RTEL1: variants seen among roughly 807,000 people sequenced by gnomAD.
RTEL1 encodes regulator of telomere elongation helicase 1.
A neutral mutation model predicts 162.2 loss-of-function variants in RTEL1; 86 were observed. The observed-to-expected ratio is 0.53, with a 90% CI of 0.45 to 0.63. RTEL1 has a LOEUF of 0.63. Among genes scored for constraint, RTEL1 ranks in the 30% least tolerant of loss-of-function variants. RTEL1 has a pLI of 0.00. For missense variants in RTEL1, 1,941 were observed against 1,750.2 expected (o/e 1.11, Z -1.95); for synonymous variants, 958 against 717.9 (o/e 1.33, Z -5.35).
intron 7 of RTEL1, among the ~76,000 whole-genome samples, chr20:63,666,875 T>C (rs1425327435): frequency 7.1e-6 from 1 of 140,520 alleles, no homozygotes; most frequent in African/African-American, 2.7e-5. Flanking sequence ...AGTCTCGCTC[T>C]GTCGCCCAGG....
intron 2 of RTEL1, chr20:63,660,891 T>C (rs2090006541): frequency 4.7e-6 from 1 of 211,522 alleles, no homozygotes; most frequent in African/African-American, 2.4e-5. Flanking sequence ...GCTCACACCC[T>C]TCCCCTCCCC....
In RTEL1 at chr20:63,661,971, C is replaced by T. The variant is rs752581883; in HGVS notation, c.395+28C>T. The T allele has an allele frequency of 2.6e-6, 4 of 1,556,592 alleles. No homozygotes were observed. The highest frequency in any genetic ancestry group is 3.5e-6 in the Non-Finnish European group (4 of 1,127,696). ...GGGTCAGACGAGTTTACACCTGTCT[C>T]GGGGTCCTCAAGAGAACCAGCTTGG... is the stretch of plus-strand genomic sequence containing the variant. On this transcript the variant is annotated intron_variant, in intron 4 of 34. Coordinates refer to ENST00000360203, the MANE Select transcript of RTEL1 (RefSeq NM_001283009.2). The surrounding 1 kb of genome is among the most constrained non-coding windows in gnomAD (Gnocchi z 5.1).
In RTEL1 at chr20:63,688,511, G is replaced by A. The variant is rs1234690358; in HGVS notation, c.1723-17G>A. The A allele has an allele frequency of 1.2e-6, 2 of 1,609,074 alleles. No individual in the cohort carries two copies. Among genetic ancestry groups the A allele is most frequent in the Non-Finnish European group, 1.7e-6 (2 of 1,179,056 alleles). ...GCGTGACCAGGGCTGCCGTGTCCCTGCCTCTTCCTCCCACAGGCCCGCGAC... is the reference window on the plus strand; with the variant it reads ...GCGTGACCAGGGCTGCCGTGTCCCTACCTCTTCCTCCCACAGGCCCGCGAC... On this transcript the variant is annotated splice_polypyrimidine_tract_variant and intron_variant, in intron 20 of 34. Coordinates refer to ENST00000360203, the MANE Select transcript of RTEL1 (RefSeq NM_001283009.2).
At position 63,692,914 on chromosome 20, in the gene RTEL1, A is replaced by G. The variant is rs747181810; in HGVS notation, c.2762A>G (p.Asp921Gly). The G allele has an allele frequency of 6.2e-7, 1 of 1,612,634 alleles. No homozygotes were observed. The highest frequency in any genetic ancestry group is 8.5e-7 in the Non-Finnish European group (1 of 1,179,846). ...NFATFTQALQDYKGSDDFAAL... is the reference protein window; with the variant it reads ...NFATFTQALQGYKGSDDFAAL... The stretch of plus-strand genomic sequence containing the variant: ...GCCACCTTCACCCAGGCCCTGCAGG[A>G]CTACAAGGGTTCCGATGACTTCGCC... Residue 921 changes from aspartate to glycine, a missense_variant, in exon 29 of 35, where the codon GAC (aspartate) becomes GGC (glycine). By Grantham distance (94) the Asp-to-Gly change is moderately conservative (BLOSUM62 -1). Transcript: ENST00000360203.
intron 1 of RTEL1, 140 bp from the exon 2 acceptor site, chr20:63,659,093 G>A: frequency 3.1e-6 from 1 of 322,492 alleles, no homozygotes. Context: ...TCGCATCTTC[G>A]CCCCGCCAGC....
rs766794455 is a variant in RTEL1 at position 63,661,313 on chromosome 20, C to T, written c.118C>T (p.Leu40=). Residue 40 remains leucine (L), a synonymous_variant, in exon 3 of 35, where the codon CTG becomes TTG. Coordinates refer to ENST00000360203, the MANE Select transcript of RTEL1 (RefSeq NM_001283009.2). The surrounding 1 kb of genome is among the most constrained non-coding windows in gnomAD (Gnocchi z 5.1). ...CTCCGTTCAGAAGGTGAATGGCATC[C>T]TGGAGAGCCCTACGGGTACAGGGAA... ...ECLQQKVNGI[L]ESPTGTGKTL... is the part of the protein sequence containing the mutation. 9 of 1,612,236 alleles carry T rather than the reference C, an allele frequency of 5.6e-6. No individual in the cohort carries two copies. Among genetic ancestry groups the T allele is most frequent in the Admixed American group, 3.3e-5 (2 of 60,010 alleles).
At chr20:63,684,284 G>A (rs923867999) in intron 14 of RTEL1, among the ~76,000 whole-genome samples, 1 of 152,304 alleles carries the variant, frequency 6.6e-6, no homozygotes, top group South Asian at 2.1e-4. Flanking sequence ...CTGGGCACCT[G>A]CCACACTTTT....
chr20:63,690,710 T>C, intron 26 of RTEL1, 95 bp from the exon 27 acceptor site: 4 of 1,396,422 alleles, frequency 2.9e-6, no homozygotes, highest in Non-Finnish European at 3.8e-6. Flanking sequence ...GGACCCCAAG[T>C]GCTGGGACTC....
intron 14 of RTEL1, 97 bp downstream of exon 14, chr20:63,680,816 G>A: frequency 5.7e-6 from 9 of 1,567,978 alleles, no homozygotes; most frequent in Non-Finnish European, 7.9e-6. Context: ...ACTTGGGGAT[G>A]GGAGAAAGGC....
intron 9 of RTEL1, 85 bp from the exon 10 acceptor site, chr20:63,673,855 C>G: frequency 6.7e-7 from 1 of 1,481,922 alleles, no homozygotes; most frequent in East Asian, 2.3e-5. Flanking sequence ...CCTCCTGTGC[C>G]TTCTGCACCC....
intron 32 of RTEL1, 40 bp downstream of exon 32, chr20:63,695,014 G>A (rs1445857198): frequency 3.7e-6 from 6 of 1,610,206 alleles, no homozygotes; most frequent in Non-Finnish European, 4.2e-6. Flanking sequence ...GTGGGGTGGG[G>A]GGCAGGGGAC....
chr20:63,659,507 A>G lies in RTEL1; in HGVS notation c.102+3A>G. 6.2e-7 allele frequency: 1 copy of G among 1,608,826 alleles called. No homozygotes were observed. Among genetic ancestry groups the G allele is most frequent in the Non-Finnish European group, 8.5e-7 (1 of 1,175,192 alleles). ...AGGTCCTGGAATGTCTGCAGCAGGT[A>G]GAGCACAGGCCCCGAGGAAAGGACT... On this transcript the variant is annotated splice_donor_region_variant and intron_variant, in intron 2 of 34. Coordinates refer to ENST00000360203, the MANE Select transcript of RTEL1 (RefSeq NM_001283009.2).
intron 9 of RTEL1, among the ~76,000 whole-genome samples, chr20:63,673,055 C>T (rs148699939): frequency 6.6e-6 from 1 of 152,212 alleles, no homozygotes; most frequent in East Asian, 1.9e-4. Context: ...CAGGATCACA[C>T]CACTGCATTC....
At position 63,692,888 on chromosome 20, in the gene RTEL1, T is replaced by G. The variant is rs755652402; in HGVS notation, c.2736T>G (p.Phe912Leu). 50 of 1,612,516 alleles carry G rather than the reference T, an allele frequency of 3.1e-5. No individual in the cohort carries two copies. Among genetic ancestry groups the G allele is most frequent in the Non-Finnish European group, 4.2e-5 (49 of 1,179,872 alleles). The change falls in exon 29 of 35, where the codon TTT becomes TTG. Residue 912 changes from phenylalanine (F) to leucine (L), a missense_variant. Transcript: ENST00000360203. Reference sequence around the variant, plus strand: ...AGCAGGAGTTGAGCCAAGCCAACTTTGCCACCTTCACCCAGGCCCTGCAGG... The same window carrying G: ...AGCAGGAGTTGAGCCAAGCCAACTTGGCCACCTTCACCCAGGCCCTGCAGG... ...AVKQELSQAN[F>L]ATFTQALQDY...
chr20:63,676,798 G>GTTA (rs2090359507), intron 10 of RTEL1, among the ~76,000 whole-genome samples: 1 of 152,174 alleles, frequency 6.6e-6, no homozygotes, highest in Non-Finnish European at 1.5e-5. Flanking sequence ...AGCCAGGTGT[G>GTTA]GTGGTGCATG....
At chr20:63,692,641 C>CA in intron 28 of RTEL1, 164 bp from the exon 29 acceptor site, 1 of 659,990 alleles carries the variant, frequency 1.5e-6, no homozygotes, top group Non-Finnish European at 2.6e-6. Context: ...TTTCTTCCCG[C>CA]AGCCCCTCCC....
In RTEL1 at chr20:63,693,256, C is replaced by T. The variant is rs139221232; in HGVS notation, c.2965C>T (p.Arg989Trp). The change falls in exon 30 of 35, where the codon CGG becomes TGG. Residue 989 changes from arginine (R) to tryptophan (W), a missense_variant. Coordinates refer to ENST00000360203, the MANE Select transcript of RTEL1 (RefSeq NM_001283009.2). Reference sequence around the variant, plus strand: ...TGAGCACAGCATTCCCCGAAGGCAGCGGGCACAGCCGGTCCTGGACCCCAC... The same window carrying T: ...TGAGCACAGCATTCCCCGAAGGCAGTGGGCACAGCCGGTCCTGGACCCCAC... ...RPEHSIPRRQ[R>W]AQPVLDPTGR... The T allele has an allele frequency of 2.7e-4, 429 of 1,611,880 alleles. No homozygotes were observed. The highest frequency in any genetic ancestry group is 6.3e-4 in the African/African-American group (47 of 74,936).
intron 30 of RTEL1, among the ~76,000 whole-genome samples, chr20:63,693,603 ACCACCACCTCCACCT>A (rs2090867510): frequency 1.4e-3 from 24 of 16,612 alleles, no homozygotes; most frequent in Non-Finnish European, 2.4e-3. Context: ...CACCTCCACC[ACCACCACCTCCACCT>A]CCACCACCAC....
chr20:63,688,909 G>T, intron 21 of RTEL1, 146 bp from the exon 22 acceptor site: 2 of 773,300 alleles, frequency 2.6e-6, no homozygotes, highest in Non-Finnish European at 4.4e-6. Flanking sequence ...CCTGGGATCC[G>T]TGCCAGGAAG....
Sources: gnomAD v4.1 joint callset for allele counts (sites outside exome capture counted in the v4.1 genomes callset) on GRCh38, gnomAD v4.1.1 for gene constraint, Gnocchi (gnomAD v3.1) non-coding constraint, MANE v1.5 for transcripts, NCBI Gene and HGNC (gene_info 2026-07-23, HGNC 2026-07-21) for gene names.